NSFL1C: variants seen among roughly 807,000 people sequenced by gnomAD.
NSFL1C encodes NSFL1 cofactor p47.
In NSFL1C, 14 loss-of-function variants were observed where a neutral mutation model predicts 43.1. That is an observed-to-expected ratio of 0.32 (90% CI 0.21 to 0.51). The LOEUF is 0.51. Among genes scored for constraint, NSFL1C ranks in the 20% least tolerant of loss-of-function variants. The pLI is 0.98. For synonymous variants in NSFL1C, 171 were observed against 183.5 expected, an observed-to-expected ratio of 0.93 and a Z score of 0.55; for missense variants, 406 against 472.5, an observed-to-expected ratio of 0.86 and a Z score of 1.30.
chr20:1,444,904 G>A (rs2090026630), intron 8 of NSFL1C, among the ~76,000 whole-genome samples: 1 of 152,148 alleles, frequency 6.6e-6, no homozygotes, highest in South Asian at 2.1e-4. Flanking sequence ...CTCACAGCTG[G>A]GGCTTGTCTC....
At chr20:1,461,535 C>T (rs544176156) in intron 2 of NSFL1C, among the ~76,000 whole-genome samples, 1 of 152,216 alleles carries the variant, frequency 6.6e-6, no homozygotes, top group African/African-American at 2.4e-5. Flanking sequence ...TTGGTTGGAA[C>T]AAAGGATTTA....
At chr20:1,456,573 G>A (rs536219490) in intron 3 of NSFL1C, 2 of 152,312 alleles carry the variant, frequency 1.3e-5, no homozygotes, top group African/African-American at 2.4e-5. Context: ...GGCAGATCCT[G>A]TGGAGAACCA....
Position 1,452,971 on chromosome 20 carries a change from C to A in NSFL1C, c.647+60G>T. ...TCAAATAATAAACATTCTGCCTCCT[C>A]CTTTCCCAACTGCTATCCACTCACT... On this transcript the variant is annotated intron_variant, in intron 6 of 8. Coordinates refer to ENST00000216879, the MANE Select transcript of NSFL1C (RefSeq NM_016143.5). The A allele has an allele frequency of 3.3e-6, 3 of 916,398 alleles. No individual in the cohort carries two copies. In the Admixed American group the frequency reaches 5.2e-5, roughly 16 times the overall value. The allele number at this position is 916,398 out of a possible 1,614,324, so 56.8% of individuals were successfully genotyped here.
chr20:1,446,059 G>A (rs1260734363), intron 7 of NSFL1C: 4 of 573,940 alleles, frequency 7.0e-6, no homozygotes, highest in South Asian at 3.9e-5. Context: ...TAGCTCCCTC[G>A]CTCCTGAGTA....
Position 1,445,672 on chromosome 20 carries a change from C to T in NSFL1C, c.944G>A (p.Ser315Asn), listed in dbSNP as rs2090042664. The change falls in exon 8 of 9, where the codon AGC (serine) becomes AAC (asparagine). Residue 315 changes from serine to asparagine, a missense_variant. Transcript: ENST00000216879. ...GGRLVQKFNH[S>N]HRISDIRLFI... ...GCCACACAATGCAAGGTACCTGTGG[C>T]TGTGGTTAAATTTCTGCACCAGCCT... 1.9e-6 allele frequency: 3 copies of T among 1,612,438 alleles called. No homozygotes were observed. The highest frequency in any genetic ancestry group is 2.5e-6 in the Non-Finnish European group (3 of 1,179,842).
At chr20:1,446,210 GC>G (rs1301672359) in intron 7 of NSFL1C, 2 of 315,142 alleles carry the variant, frequency 6.3e-6, no homozygotes, top group Non-Finnish European at 1.3e-5. Context: ...GTCAGTTTTA[GC>G]CTCAATGGAG....
intron 7 of NSFL1C, among the ~76,000 whole-genome samples, chr20:1,447,425 G>GT (rs112797476): frequency 0.023 from 3,244 of 138,138 alleles, 49 homozygotes; most frequent in African/African-American, 0.039. Context: ...AATGTTATGA[G>GT]TTTTTTTTTT....
chr20:1,464,586 T>TA (rs1296514911), intron 1 of NSFL1C, among the ~76,000 whole-genome samples, 160 bp from the exon 2 acceptor site: 1 of 152,224 alleles, frequency 6.6e-6, no homozygotes, highest in Non-Finnish European at 1.5e-5. Context: ...GCTCAGCTGT[T>TA]AGTCTTCGTG....
intron 2 of NSFL1C, among the ~76,000 whole-genome samples, chr20:1,463,133 A>T (rs146519060): frequency 1.4e-4 from 21 of 152,270 alleles, no homozygotes; most frequent in African/African-American, 5.1e-4. Flanking sequence ...ATGCTAATAA[A>T]CCACTGCCTT....
At position 1,446,240 on chromosome 20, in the gene NSFL1C, C is replaced by T. The variant is rs909830286; in HGVS notation, c.786-410G>A. The stretch of plus-strand genomic sequence containing the variant: ...AATGGAGTGGTGGAGGGGAGTGTTC[C>T]AAGTCTGCAGCTGAGGCAGCCTTGG... On this transcript the variant is annotated intron_variant, in intron 7 of 8. Coordinates refer to ENST00000216879, the MANE Select transcript of NSFL1C (RefSeq NM_016143.5). The T allele has an allele frequency of 3.4e-5, 9 of 261,030 alleles. No homozygotes were observed. The Admixed American group carries it at 4.6e-4, about 13-fold the overall frequency. 16.2% of individuals were successfully genotyped at this position (261,030 alleles called of 1,614,324 possible). A position where few individuals can be genotyped will look rare whatever the true frequency, so the allele number is the denominator to read the frequency against.
At chr20:1,466,244 T>C (rs528113741) in intron 1 of NSFL1C, among the ~76,000 whole-genome samples, 2 of 152,230 alleles carry the variant, frequency 1.3e-5, no homozygotes, top group Admixed American at 6.5e-5. Flanking sequence ...AGCTCCAACC[T>C]TGCGCCACCA....
At chr20:1,457,896 G>A (rs2090334706) in intron 3 of NSFL1C, 2 of 308,378 alleles carry the variant, frequency 6.5e-6, no homozygotes, top group Non-Finnish European at 1.2e-5. Flanking sequence ...CGGGAACGTA[G>A]ACACCTCTTT....
chr20:1,464,563 C>G, intron 1 of NSFL1C, 137 bp from the exon 2 acceptor site: 1 of 646,074 alleles, frequency 1.5e-6, no homozygotes, highest in Non-Finnish European at 2.7e-6. Context: ...AAAATTAGAC[C>G]AGAAGGTTAA....
chr20:1,449,339 A>T (rs2090136754), intron 7 of NSFL1C, among the ~76,000 whole-genome samples: 1 of 152,208 alleles, frequency 6.6e-6, no homozygotes, highest in East Asian at 1.9e-4. Context: ...ATGGGCTGTA[A>T]GTGGAAGGTC....
At position 1,455,703 on chromosome 20, in the gene NSFL1C, G is replaced by A. The variant is rs767165076; in HGVS notation, c.279-571C>T. ...TTGAAACGGGAGGGAAGGACCACAT[G>A]CCCTACCTACCTGCTCCTTAAGTCA... On this transcript the variant is annotated intron_variant, in intron 3 of 8. Coordinates refer to ENST00000216879, the MANE Select transcript of NSFL1C (RefSeq NM_016143.5). 49 of 779,612 alleles carry A rather than the reference G, an allele frequency of 6.3e-5. No homozygotes were observed. The African/African-American group carries it at 7.4e-4, about 12-fold the overall frequency. The allele number at this position is 779,612 out of a possible 1,614,324, so 48.3% of individuals were successfully genotyped here.
At chr20:1,453,498 T>C (rs1044580868) in intron 5 of NSFL1C, among the ~76,000 whole-genome samples, 9 of 152,212 alleles carry the variant, frequency 5.9e-5, no homozygotes, top group African/African-American at 2.2e-4. Flanking sequence ...CAAATCTTGC[T>C]CATGGACTAT....
chr20:1,451,117 A>G (rs777322477), intron 7 of NSFL1C, among the ~76,000 whole-genome samples: 1 of 152,226 alleles, frequency 6.6e-6, no homozygotes, highest in Non-Finnish European at 1.5e-5. Context: ...TAGGTGCCCT[A>G]TAAAGCTCAT....
At chr20:1,455,945 G>C (rs1408969850) in intron 3 of NSFL1C, 8 of 592,704 alleles carry the variant, frequency 1.3e-5, no homozygotes, top group Non-Finnish European at 2.4e-5. Context: ...ACTGGGCTTT[G>C]CAATAGGCCA....
chr20:1,455,404 T>C (rs949199625), intron 3 of NSFL1C, among the ~76,000 whole-genome samples: 4 of 152,140 alleles, frequency 2.6e-5, no homozygotes, highest in Non-Finnish European at 5.9e-5. Context: ...AGGATGAGTT[T>C]ATCAGGTGAA....
Sources: gnomAD v4.1 joint callset for allele counts (sites outside exome capture counted in the v4.1 genomes callset) on GRCh38, gnomAD v4.1.1 for gene constraint, MANE v1.5 for transcripts, NCBI Gene and HGNC (gene_info 2026-07-23, HGNC 2026-07-21) for gene names.